BBS9: variants seen among roughly 807,000 people sequenced by gnomAD.
BBS9 encodes protein PTHB1.
Under a neutral mutation model 117.7 loss-of-function variants are expected in BBS9, and 89 were observed. The ratio of observed to expected loss-of-function variants is 0.76; its 90% CI spans 0.64 to 0.90. The LOEUF (loss-of-function observed/expected upper bound fraction) is 0.90. Ranked by LOEUF, BBS9 falls within the 40% of genes least tolerant of loss-of-function variation. The probability of loss-of-function intolerance (pLI) is 0.00; values close to 1 mark genes in which losing one functional copy is unlikely to be tolerated. For missense variants in BBS9, 982 were observed against 1,042.2 expected, an observed-to-expected ratio of 0.94 and a Z score of 0.80; for synonymous variants, 379 against 370.9, an observed-to-expected ratio of 1.02 and a Z score of -0.25.
intron 5 of BBS9, among the ~76,000 whole-genome samples, chr7:33,255,590 T>G (rs988176746): frequency 1.3e-5 from 2 of 152,188 alleles, no homozygotes; most frequent in African/African-American, 2.4e-5. Context: ...ATGCCCTTAG[T>G]GGGACCTGGG....
At chr7:33,351,555 C>G in intron 14 of BBS9, 1 of 513,654 alleles carries the variant, frequency 1.9e-6, no homozygotes, top group Non-Finnish European at 3.5e-6. Flanking sequence ...CAGTTAATAG[C>G]AAATCTGATA....
chr7:33,333,021 A>G (rs577436722), intron 9 of BBS9, among the ~76,000 whole-genome samples: 1 of 152,162 alleles, frequency 6.6e-6, no homozygotes, highest in Non-Finnish European at 1.5e-5. Flanking sequence ...GGAAACCACC[A>G]TTCAACTTTG....
chr7:33,513,591 T>C (rs1168703172), intron 20 of BBS9, among the ~76,000 whole-genome samples: 1 of 152,078 alleles, frequency 6.6e-6, no homozygotes, highest in Non-Finnish European at 1.5e-5. Context: ...TCCACACCCC[T>C]CCCCTTTTTC....
At chr7:33,280,749 A>G (rs1801652514) in intron 9 of BBS9, among the ~76,000 whole-genome samples, 2 of 152,146 alleles carry the variant, frequency 1.3e-5, no homozygotes, top group Non-Finnish European at 2.9e-5. Context: ...TAAAGACCTT[A>G]TAAGATCTCT....
chr7:33,504,435 A>G (rs1845867452), intron 19 of BBS9, among the ~76,000 whole-genome samples: 1 of 152,146 alleles, frequency 6.6e-6, no homozygotes. Context: ...ACTTGTTTGA[A>G]TGATGATTTT....
chr7:33,135,082 G>A (rs987070014), intron 1 of BBS9, among the ~76,000 whole-genome samples: 2 of 152,124 alleles, frequency 1.3e-5, no homozygotes, highest in Non-Finnish European at 2.9e-5. Flanking sequence ...TTGTAGTGAT[G>A]GGGTCTCATC....
Position 33,470,110 on chromosome 7 carries a change from TTAC to T in BBS9, c.2116-35349_2116-35347del, listed in dbSNP as rs1195427421. 2.0e-5 allele frequency among the ~76,000 whole-genome samples: 3 copies of T among 152,302 alleles called. No homozygotes were observed. In the East Asian group the frequency reaches 5.8e-4, roughly 29 times the overall value. ...CTTGCTCATCTTTGGAATTGAGGAC[TTAC>T]TACAATGCCTGGGGTCATGGCAGGT... is the stretch of plus-strand genomic sequence containing the variant. On this transcript the variant is annotated intron_variant, in intron 19 of 22. Coordinates refer to ENST00000242067, the MANE Select transcript of BBS9 (RefSeq NM_198428.3).
At position 33,528,269 on chromosome 7, in the gene BBS9, A is replaced by G. The variant is rs144985520; in HGVS notation, c.2299-5685A>G. Among the ~76,000 whole-genome samples, 859 of 152,154 alleles carry G rather than the reference A, an allele frequency of 5.6e-3. 8 individuals are homozygous for G. Among genetic ancestry groups the G allele is most frequent in the African/African-American group, 0.018 (760 of 41,504 alleles). On this transcript the variant is annotated intron_variant, in intron 20 of 22. Coordinates refer to ENST00000242067, the MANE Select transcript of BBS9 (RefSeq NM_198428.3). ...CCATTTCTGAGAGTCTTCTCTTTTC[A>G]CTTGAAATCTGGACTCCTGCCACAA...
chr7:33,201,868 T>A (rs1168746156), intron 5 of BBS9, among the ~76,000 whole-genome samples: 2 of 152,198 alleles, frequency 1.3e-5, no homozygotes, highest in African/African-American at 4.8e-5. Context: ...GAATATGTGA[T>A]TGGCTTTCTC....
At chr7:33,278,297 G>T (rs999603403) in intron 9 of BBS9, among the ~76,000 whole-genome samples, 1 of 152,176 alleles carries the variant, frequency 6.6e-6, no homozygotes, top group African/African-American at 2.4e-5. Flanking sequence ...GGTATGGGTT[G>T]CCCCTAGGGT....
At chr7:33,351,136 G>A in intron 13 of BBS9, 83 bp from the exon 14 acceptor site, 1 of 859,794 alleles carries the variant, frequency 1.2e-6, no homozygotes, top group Non-Finnish European at 2.0e-6. Flanking sequence ...CTGGCATGTG[G>A]TGAGTGCTTA....
chr7:33,544,319 GTC>G (rs1408468742), intron 21 of BBS9, among the ~76,000 whole-genome samples: 14 of 152,304 alleles, frequency 9.2e-5, no homozygotes, highest in African/African-American at 2.9e-4. Flanking sequence ...CATTTGGGTA[GTC>G]TCTGTCAGAG....
intron 16 of BBS9, among the ~76,000 whole-genome samples, chr7:33,359,130 A>T (rs1016927309): frequency 6.6e-6 from 1 of 151,808 alleles, no homozygotes; most frequent in Non-Finnish European, 1.5e-5. Flanking sequence ...ACAAACTTGG[A>T]TTATGAAAAA....
chr7:33,583,137 C>T (rs1255100453), intron 21 of BBS9, among the ~76,000 whole-genome samples: 1 of 152,148 alleles, frequency 6.6e-6, no homozygotes, highest in Non-Finnish European at 1.5e-5. Context: ...TTTTTGACTA[C>T]TTCAGTGACA....
chr7:33,371,444 G>A (rs900590013), intron 17 of BBS9, among the ~76,000 whole-genome samples: 10 of 152,118 alleles, frequency 6.6e-5, no homozygotes, highest in African/African-American at 2.4e-4. Flanking sequence ...TTGAGATGTA[G>A]GATGAAGGAG....
At chr7:33,538,598 A>G (rs764017053) in intron 21 of BBS9, among the ~76,000 whole-genome samples, 5 of 152,192 alleles carry the variant, frequency 3.3e-5, no homozygotes, top group African/African-American at 7.2e-5. Flanking sequence ...TAGATGCTCA[A>G]TAAGACATTT....
chr7:33,552,988 C>T (rs1237980259), intron 21 of BBS9, among the ~76,000 whole-genome samples: 1 of 152,124 alleles, frequency 6.6e-6, no homozygotes, highest in Non-Finnish European at 1.5e-5. Flanking sequence ...TTCACTTCTA[C>T]TCACCAAGCG....
At chr7:33,308,464 T>G (rs1029761289) in intron 9 of BBS9, among the ~76,000 whole-genome samples, 3 of 152,240 alleles carry the variant, frequency 2.0e-5, no homozygotes, top group Non-Finnish European at 4.4e-5. Context: ...TCATTGCTTT[T>G]ACTGGAGTGT....
At chr7:33,215,933 C>G (rs935636872) in intron 5 of BBS9, among the ~76,000 whole-genome samples, 1 of 152,136 alleles carries the variant, frequency 6.6e-6, no homozygotes, top group Non-Finnish European at 1.5e-5. Flanking sequence ...CTTGAATTTT[C>G]TTTTGTCTTA....
Sources: gnomAD v4.1 joint callset for allele counts (sites outside exome capture counted in the v4.1 genomes callset) on GRCh38, gnomAD v4.1.1 for gene constraint, MANE v1.5 for transcripts, NCBI Gene and HGNC (gene_info 2026-07-23, HGNC 2026-07-21) for gene names.